YWHAG: variants seen among roughly 807,000 people sequenced by gnomAD.
YWHAG encodes 14-3-3 protein gamma.
In YWHAG, 1 loss-of-function variant was observed where a neutral mutation model predicts 23.3. The observed-to-expected ratio is 0.04, with a 90% CI of 0.02 to 0.20. The LOEUF (loss-of-function observed/expected upper bound fraction) is 0.20, where lower values mean the gene tolerates loss of function less well. Among genes scored for constraint, YWHAG ranks in the 10% least tolerant of loss-of-function variants. The pLI, the probability that YWHAG is intolerant of heterozygous loss-of-function variation, is 1.00. For missense variants in YWHAG, 151 were observed against 338.6 expected (o/e 0.45, Z 4.35); for synonymous variants, 160 against 144.0 (o/e 1.11, Z -0.80).
At position 76,326,995 on chromosome 7, in the gene YWHAG, CTCAT is replaced by C. The variant is rs1803451961; in HGVS notation, c.*2578_*2581del. The C allele has an allele frequency of 6.6e-6, 1 of 152,542 alleles. No homozygotes were observed. The highest frequency in any genetic ancestry group is 2.1e-4 in the South Asian group (1 of 4,828). 9.4% of individuals were successfully genotyped at this position (152,542 alleles called of 1,614,324 possible). A position where few individuals can be genotyped will look rare whatever the true frequency, so the allele number is the denominator to read the frequency against. The stretch of plus-strand genomic sequence containing the variant: ...CATAACATGACAAAAAGCACAAAGG[CTCAT>C]TCAGAGAACATATTTGTTGTTCTCC... On this transcript the variant is annotated 3_prime_UTR_variant, in exon 2 of 2. Transcript: ENST00000307630.
At position 76,329,489 on chromosome 7, in the gene YWHAG, TCCC is replaced by T; in HGVS notation, c.*85_*87del. The T allele has an allele frequency of 7.3e-5, 75 of 1,024,174 alleles. No homozygotes were observed. Among genetic ancestry groups the T allele is most frequent in the Non-Finnish European group, 9.6e-5 (71 of 740,036 alleles). The allele number at this position is 1,024,174 out of a possible 1,614,324, so 63.4% of individuals were successfully genotyped here. A position where few individuals can be genotyped will look rare whatever the true frequency, so the allele number is the denominator to read the frequency against. On this transcript the variant is annotated 3_prime_UTR_variant, in exon 2 of 2. Transcript: ENST00000307630. This position sits in a 1 kb window ranked among gnomAD's most constrained non-coding sequence, Gnocchi z 6.1. Reference sequence around the variant, plus strand: ...TCCCTGGGAAGGTCATCCCTCCCTTTCCCTCCCCCACCCGACCCCCAACTCATG... The same window carrying T: ...TCCCTGGGAAGGTCATCCCTCCCTTTTCCCCCACCCGACCCCCAACTCATG...
intron 1 of YWHAG, among the ~76,000 whole-genome samples, chr7:76,349,656 G>C (rs1440644060): frequency 1.3e-5 from 2 of 152,176 alleles, no homozygotes; most frequent in African/African-American, 4.8e-5. Context: ...AGCTTTGTTT[G>C]AAGTTGTGCC....
At chr7:76,348,636 C>T (rs1803823469) in intron 1 of YWHAG, among the ~76,000 whole-genome samples, 1 of 152,010 alleles carries the variant, frequency 6.6e-6, no homozygotes, top group African/African-American at 2.4e-5. Flanking sequence ...GATCTCCTAA[C>T]CTCGTGATGC....
At position 76,327,688 on chromosome 7, in the gene YWHAG, C is replaced by CCT. The variant is rs1563660690; in HGVS notation, c.*1888_*1889insAG. On this transcript the variant is annotated 3_prime_UTR_variant, in exon 2 of 2. Coordinates refer to ENST00000307630, the MANE Select transcript of YWHAG (RefSeq NM_012479.4). Reference sequence around the variant, plus strand: ...ACCCTGCCCCCCCCCCCCTCCCCCCCCAAATCGTCTTCCTCCCATGGCAAT... The same window carrying CCT: ...ACCCTGCCCCCCCCCCCCTCCCCCCCCTCAAATCGTCTTCCTCCCATGGCAAT... The CCT allele has an allele frequency of 8.4e-6, 1 of 118,512 alleles. No homozygotes were observed. The highest frequency in any genetic ancestry group is 3.3e-5 in the African/African-American group (1 of 30,068). 7.3% of individuals were successfully genotyped at this position (118,512 alleles called of 1,614,324 possible).
intron 1 of YWHAG, among the ~76,000 whole-genome samples, chr7:76,358,242 G>T (rs183926849): frequency 2.5e-3 from 387 of 152,346 alleles, no homozygotes; most frequent in African/African-American, 2.9e-3. Flanking sequence ...ATTCTGGGGG[G>T]GCTGGGGAGG....
At chr7:76,333,245 C>A (rs1183312468) in intron 1 of YWHAG, among the ~76,000 whole-genome samples, 3 of 152,098 alleles carry the variant, frequency 2.0e-5, no homozygotes, top group Admixed American at 2.0e-4. Flanking sequence ...GTTAGGATTA[C>A]AGGTGTGAGC....
intron 1 of YWHAG, 54 bp from the exon 2 acceptor site, chr7:76,330,287 AACTGTATCTTTGAGACACTAGAAC>A: frequency 6.4e-7 from 1 of 1,551,956 alleles, no homozygotes; most frequent in Non-Finnish European, 8.7e-7. Flanking sequence ...CCACTGGGTT[AACTGTATCTTTGAGACACTAGAAC>A]AGAGCTCTGT....
chr7:76,348,619 T>A (rs1486396670), intron 1 of YWHAG, among the ~76,000 whole-genome samples: 1 of 152,062 alleles, frequency 6.6e-6, no homozygotes, highest in Non-Finnish European at 1.5e-5. Context: ...TTTGCCAGGA[T>A]GGTCTTGATC....
chr7:76,335,329 T>C (rs1426331857), intron 1 of YWHAG, among the ~76,000 whole-genome samples: 2 of 152,232 alleles, frequency 1.3e-5, no homozygotes, highest in East Asian at 1.9e-4. Context: ...GTGCTGGGAT[T>C]ACAGGCGTGA....
At chr7:76,345,684 T>G (rs930599209) in intron 1 of YWHAG, among the ~76,000 whole-genome samples, 2 of 151,928 alleles carry the variant, frequency 1.3e-5, no homozygotes, top group African/African-American at 4.8e-5. Context: ...GGCTCATGCC[T>G]GTAATCCCAG....
chr7:76,343,908 G>A (rs1803736616), intron 1 of YWHAG, among the ~76,000 whole-genome samples: 1 of 152,146 alleles, frequency 6.6e-6, no homozygotes, highest in African/African-American at 2.4e-5. Context: ...GGTAGTTTGA[G>A]ACAAGCAAAC....
At position 76,327,756 on chromosome 7, in the gene YWHAG, T is replaced by C. The variant is rs1280975672; in HGVS notation, c.*1821A>G. 7.0e-6 allele frequency: 1 copy of C among 142,788 alleles called. No individual in the cohort carries two copies. Among genetic ancestry groups the C allele is most frequent in the Non-Finnish European group, 1.5e-5 (1 of 66,630 alleles). 8.8% of individuals were successfully genotyped at this position (142,788 alleles called of 1,614,324 possible). A position where few individuals can be genotyped will look rare whatever the true frequency, so the allele number is the denominator to read the frequency against. ...AGAGGCACAAAAGCGGCAAAGCTTC[T>C]TCTACTAGTTCTTCTGGTAGGCTTC... On this transcript the variant is annotated 3_prime_UTR_variant, in exon 2 of 2. Coordinates refer to ENST00000307630, the MANE Select transcript of YWHAG (RefSeq NM_012479.4).
intron 1 of YWHAG, among the ~76,000 whole-genome samples, chr7:76,357,214 A>G (rs1313290377): frequency 6.6e-6 from 1 of 152,238 alleles, no homozygotes; most frequent in Non-Finnish European, 1.5e-5. Flanking sequence ...CTTCAATAAG[A>G]CAAAAACCTT....
At chr7:76,337,192 T>C (rs1373280907) in intron 1 of YWHAG, among the ~76,000 whole-genome samples, 1 of 152,232 alleles carries the variant, frequency 6.6e-6, no homozygotes, top group African/African-American at 2.4e-5. Flanking sequence ...AAGGCTGGTC[T>C]CTGGCTGGCA....
rs1803468773 is a variant in YWHAG at position 76,327,689 on chromosome 7, C to CCCCCCCCCCA, written c.*1887_*1888insTGGGGGGGGG. The CCCCCCCCCCA allele has an allele frequency of 9.1e-6, 1 of 110,176 alleles. No homozygotes were observed. Among genetic ancestry groups the CCCCCCCCCCA allele is most frequent in the African/African-American group, 4.0e-5 (1 of 25,204 alleles). 6.8% of individuals were successfully genotyped at this position (110,176 alleles called of 1,614,324 possible). A position where few individuals can be genotyped will look rare whatever the true frequency, so the allele number is the denominator to read the frequency against. On this transcript the variant is annotated 3_prime_UTR_variant, in exon 2 of 2. Transcript: ENST00000307630. ...CCCTGCCCCCCCCCCCCTCCCCCCC[C>CCCCCCCCCCA]AAATCGTCTTCCTCCCATGGCAATG...
chr7:76,338,861 T>C (rs1323073519), intron 1 of YWHAG, among the ~76,000 whole-genome samples: 2 of 152,226 alleles, frequency 1.3e-5, no homozygotes, highest in Non-Finnish European at 2.9e-5. Flanking sequence ...GACAGAATTC[T>C]AGTTGGCACT....
chr7:76,357,986 A>T (rs1423948469), intron 1 of YWHAG, among the ~76,000 whole-genome samples: 1 of 152,232 alleles, frequency 6.6e-6, no homozygotes, highest in Non-Finnish European at 1.5e-5. Flanking sequence ...ATACAAAAAC[A>T]TTAGGGAATA....
At position 76,327,636 on chromosome 7, in the gene YWHAG, G is replaced by T. The variant is rs1178395951; in HGVS notation, c.*1941C>A. On this transcript the variant is annotated 3_prime_UTR_variant, in exon 2 of 2. Transcript: ENST00000307630. ...AAACGCAACACTGCTCACTGGACAT[G>T]AAGATAAATTAGGGAAAGCCCCACC... 1 of 136,998 alleles carries T rather than the reference G, an allele frequency of 7.3e-6. No homozygotes were observed. Among genetic ancestry groups the T allele is most frequent in the Non-Finnish European group, 1.5e-5 (1 of 65,870 alleles). 8.5% of individuals were successfully genotyped at this position (136,998 alleles called of 1,614,324 possible).
Position 76,358,883 on chromosome 7 carries a change from G to A in YWHAG, c.-75C>T, listed in dbSNP as rs1804006626. 1 of 1,414,146 alleles carries A rather than the reference G, an allele frequency of 7.1e-7. No homozygotes were observed. Among genetic ancestry groups the A allele is most frequent in the Non-Finnish European group, 9.6e-7 (1 of 1,046,234 alleles). 87.6% of individuals were successfully genotyped at this position (1,414,146 alleles called of 1,614,324 possible). A position where few individuals can be genotyped will look rare whatever the true frequency, so the allele number is the denominator to read the frequency against. ...CTGAAGGGCTTGGAGGGCGCGACTG[G>A]AGCCCAAGTGCCGGAGAGGACCGAC... On this transcript the variant is annotated 5_prime_UTR_variant, in exon 1 of 2. Transcript: ENST00000307630.
Sources: allele counts gnomAD v4.1 joint callset (sites outside exome capture counted in the v4.1 genomes callset), GRCh38; gene constraint gnomAD v4.1.1; non-coding constraint Gnocchi (gnomAD v3.1); transcripts MANE v1.5; gene names NCBI Gene and HGNC (gene_info 2026-07-23, HGNC 2026-07-21).